The following EFHB variants were observed in gnomAD, a reference collection of about 807,000 sequenced individuals.
EFHB encodes EF-hand domain family member B.
Under a neutral mutation model 87.2 loss-of-function variants are expected in EFHB, and 91 were observed. The observed-to-expected ratio is 1.04, with a 90% CI of 0.88 to 1.24. EFHB has a LOEUF of 1.24. EFHB is among the 50% of genes most tolerant of loss of function. EFHB has a pLI of 0.00. For missense variants in EFHB, 1,084 were observed against 998.8 expected (o/e 1.09, Z -1.15); for synonymous variants, 325 against 333.6 (o/e 0.97, Z 0.28).
chr3:19,920,738 A>G (rs1278507313), intron 1 of EFHB, among the ~76,000 whole-genome samples, 171 bp from the exon 2 acceptor site: 4 of 152,230 alleles, frequency 2.6e-5, no homozygotes, highest in Admixed American at 2.6e-4. Context: ...TACGTAACAA[A>G]CATTAAATGC....
chr3:19,905,025 A>T (rs1694793550), intron 6 of EFHB, among the ~76,000 whole-genome samples: 2 of 152,356 alleles, frequency 1.3e-5, no homozygotes, highest in South Asian at 4.1e-4. Context: ...ATGAAGAGAT[A>T]AAAAGGTCAC....
chr3:19,893,716 T>G lies in EFHB; in HGVS notation c.1725+2971A>C, dbSNP rs532471729. ...AACAGCAGAGAATGACCCTAGTTAC[T>G]GCACCTCCACATTGAACACCTTTGG... On this transcript the variant is annotated intron_variant, in intron 9 of 12. Coordinates refer to ENST00000295824, the MANE Select transcript of EFHB (RefSeq NM_144715.4). Among the ~76,000 whole-genome samples, 38 of 152,316 alleles carry G rather than the reference T, an allele frequency of 2.5e-4. 1 individual carries two copies. Among genetic ancestry groups the G allele is most frequent in the African/African-American group, 8.9e-4 (37 of 41,564 alleles).
intron 6 of EFHB, among the ~76,000 whole-genome samples, chr3:19,904,937 G>T (rs765826641): frequency 6.6e-6 from 1 of 152,006 alleles, no homozygotes; most frequent in African/African-American, 2.4e-5. Context: ...TTATGTGTTG[G>T]CTCGGATATA....
chr3:19,937,411 A>T (rs1696049321), upstream of EFHB, among the ~76,000 whole-genome samples: 1 of 152,160 alleles, frequency 6.6e-6, no homozygotes, highest in Non-Finnish European at 1.5e-5. Flanking sequence ...ACTGCTACAG[A>T]CAGTCATATT....
At chr3:19,909,739 C>T (rs550946353) in intron 5 of EFHB, among the ~76,000 whole-genome samples, 3 of 152,262 alleles carry the variant, frequency 2.0e-5, no homozygotes, top group African/African-American at 7.2e-5. Context: ...GCATCTAGGA[C>T]ACCACCTCAG....
At chr3:19,911,443 T>A (rs1038650399) in intron 5 of EFHB, among the ~76,000 whole-genome samples, 1 of 151,692 alleles carries the variant, frequency 6.6e-6, no homozygotes, top group Admixed American at 6.6e-5. Flanking sequence ...CTGTAATCCC[T>A]GCTACTGAGG....
At chr3:19,920,044 T>C (rs1047961629) in intron 2 of EFHB, 68 bp from the exon 3 acceptor site, 5 of 1,543,466 alleles carry the variant, frequency 3.2e-6, no homozygotes, top group Non-Finnish European at 4.4e-6. Context: ...GACTGATCTA[T>C]ACCAATCAAC....
At chr3:19,921,984 G>A (rs1695453112) in intron 1 of EFHB, among the ~76,000 whole-genome samples, 1 of 152,120 alleles carries the variant, frequency 6.6e-6, no homozygotes, top group South Asian at 2.1e-4. Flanking sequence ...GGCCAACATG[G>A]TGAAACCCCG....
At chr3:19,916,387 C>T (rs1399848214) in intron 4 of EFHB, among the ~76,000 whole-genome samples, 8 of 151,994 alleles carry the variant, frequency 5.3e-5, no homozygotes, top group Non-Finnish European at 8.8e-5. Flanking sequence ...TGGTGGCACA[C>T]GCCTGTAATC....
intron 1 of EFHB, among the ~76,000 whole-genome samples, chr3:19,927,148 C>T (rs1467965251): frequency 6.6e-6 from 1 of 152,178 alleles, no homozygotes; most frequent in African/African-American, 2.4e-5. Flanking sequence ...ATATCATTTA[C>T]CAATGCACTT....
In EFHB at chr3:19,940,548, T is replaced by C. The variant is rs368656325; in HGVS notation, c.-31-4214A>G. Reference sequence around the variant, plus strand: ...CTTCAACAGTTGCTTCCATGTTGAATTCATAGGATTCAAGGGAATTCTTTG... The same window carrying C: ...CTTCAACAGTTGCTTCCATGTTGAACTCATAGGATTCAAGGGAATTCTTTG... On this transcript the variant is annotated intron_variant, in intron 1 of 14. Coordinates refer to the EFHB transcript ENST00000344838. The C allele has an allele frequency of 1.3e-4, 66 of 501,812 alleles. 1 individual carries two copies. The highest frequency in any genetic ancestry group is 1.2e-3 in the African/African-American group (61 of 51,572). The allele number at this position is 501,812 out of a possible 1,614,324, so 31.1% of individuals were successfully genotyped here. A position where few individuals can be genotyped will look rare whatever the true frequency, so the allele number is the denominator to read the frequency against.
chr3:19,920,485 G>C lies in EFHB; in HGVS notation c.852+20C>G, dbSNP rs1695400390. The C allele has an allele frequency of 6.3e-7, 1 of 1,581,358 alleles. No homozygotes were observed. The highest frequency in any genetic ancestry group is 8.6e-7 in the Non-Finnish European group (1 of 1,162,176). ...TAGAAGGTAAAAATAGAAATATAAA[G>C]GTATATTGAAAGTGCTCACCCTGGG... On this transcript the variant is annotated intron_variant, in intron 2 of 12. Coordinates refer to ENST00000295824, the MANE Select transcript of EFHB (RefSeq NM_144715.4).
intron 5 of EFHB, among the ~76,000 whole-genome samples, chr3:19,908,598 G>GAGAGAGAA (rs1694937855): frequency 3.2e-4 from 25 of 77,840 alleles, no homozygotes; most frequent in East Asian, 5.7e-4. Context: ...GAGAGAGAGA[G>GAGAGAGAA]AGAAAGAAAG....
chr3:19,923,286 A>AT (rs1447722508), intron 1 of EFHB, among the ~76,000 whole-genome samples: 1 of 151,598 alleles, frequency 6.6e-6, no homozygotes, highest in African/African-American at 2.4e-5. Context: ...AAAAAAAAAA[A>AT]GCCCCAAGGT....
chr3:19,915,203 A>G, intron 5 of EFHB, 100 bp downstream of exon 5: 1 of 687,218 alleles, frequency 1.5e-6, no homozygotes, highest in Non-Finnish European at 2.5e-6. Flanking sequence ...TACCTATTAC[A>G]TGGCAGGCAT....
At chr3:19,914,627 T>C (rs752654834) in intron 5 of EFHB, among the ~76,000 whole-genome samples, 1 of 152,166 alleles carries the variant, frequency 6.6e-6, no homozygotes, top group Non-Finnish European at 1.5e-5. Flanking sequence ...CAATCCTCAC[T>C]ATATTACTAT....
intron 12 of EFHB, among the ~76,000 whole-genome samples, chr3:19,882,055 A>C (rs7614183): frequency 3.6e-5 from 5 of 140,130 alleles, no homozygotes; most frequent in African/African-American, 1.5e-4. Context: ...AAATAAATAA[A>C]TAAATAATTA....
chr3:19,880,812 G>T (rs939777625), intron 12 of EFHB, among the ~76,000 whole-genome samples: 2 of 151,610 alleles, frequency 1.3e-5, no homozygotes, highest in Non-Finnish European at 2.9e-5. Flanking sequence ...AACTAGTAGC[G>T]GGAAGAAACA....
At chr3:19,922,527 G>C (rs1575037838) in intron 1 of EFHB, among the ~76,000 whole-genome samples, 1 of 152,158 alleles carries the variant, frequency 6.6e-6, no homozygotes, top group Admixed American at 6.5e-5. Context: ...ATAAGTAAAA[G>C]TATACTTTCT....
Sources: gnomAD v4.1 joint callset for allele counts (sites outside exome capture counted in the v4.1 genomes callset) on GRCh38, gnomAD v4.1.1 for gene constraint, MANE v1.5 for transcripts, NCBI Gene and HGNC (gene_info 2026-07-23, HGNC 2026-07-21) for gene names.